Variants in STARD8 observed in about 807,000 individuals in gnomAD.
The protein encoded by STARD8 is stAR-related lipid transfer protein 8.
A neutral mutation model predicts 69.4 loss-of-function variants in STARD8; 25 were observed. The ratio of observed to expected loss-of-function variants is 0.36; its 90% CI spans 0.26 to 0.50. STARD8 has a LOEUF of 0.50. Among genes scored for constraint, STARD8 ranks in the 20% least tolerant of loss-of-function variants. STARD8 has a pLI of 0.96. For missense variants in STARD8, 921 were observed against 932.5 expected (o/e 0.99, Z 0.16); for synonymous variants, 389 against 374.6 (o/e 1.04, Z -0.45).
At chrX:68,661,878 T>TTTCCTTCCTTCCTTCCTTCCTTCC (rs748806413) in intron 1 of STARD8, among the ~76,000 whole-genome samples, 7 of 64,165 alleles carry the variant, frequency 1.1e-4, no homozygotes, top group Admixed American at 5.1e-4. Context: ...CTTTCTTTCT[T>TTTCCTTCCTTCCTTCCTTCCTTCC]TTCCTTCCTT....
In STARD8 at chrX:68,724,024, T is replaced by C; in HGVS notation, c.3097T>C (p.Ser1033Pro). 1 of 1,211,468 alleles carries C rather than the reference T, an allele frequency of 8.3e-7. No individual in the cohort carries two copies. The highest frequency in any genetic ancestry group is 1.1e-6 in the Non-Finnish European group (1 of 895,408). The change falls in exon 14 of 15, where the codon TCG (serine) becomes CCG (proline). Residue 1033 changes from serine to proline, a missense_variant. Ser to Pro is a moderately conservative substitution (Grantham distance 74). Coordinates refer to ENST00000374599, the MANE Select transcript of STARD8 (RefSeq NM_001142503.3). Reference sequence around the variant, plus strand: ...GGATCCGGAACAACCTGTGCCAGAGTCGGGTGTGCGAGCCCTCATGCTCAC... The same window carrying C: ...GGATCCGGAACAACCTGTGCCAGAGCCGGGTGTGCGAGCCCTCATGCTCAC... ...SLDPEQPVPE[S>P]GVRALMLTSQ... is the part of the protein sequence containing the mutation.
chrX:68,721,445 G>A (rs771277385), intron 9 of STARD8, 91 bp from the exon 10 acceptor site: 116 of 991,171 alleles, frequency 1.2e-4, no homozygotes, highest in Non-Finnish European at 1.6e-4. Context: ...CCTTGGGACT[G>A]CTGTGCCTTT....
chrX:68,711,263 CGA>C (rs1342461488), intron 2 of STARD8, among the ~76,000 whole-genome samples: 3 of 106,705 alleles, frequency 2.8e-5, no homozygotes, highest in African/African-American at 1.0e-4. Flanking sequence ...GAGAAAGAGA[CGA>C]GAGAGAGAGA....
chrX:68,710,750 G>A (rs1040783056), intron 2 of STARD8, among the ~76,000 whole-genome samples: 9 of 112,302 alleles, frequency 8.0e-5, no homozygotes, highest in African/African-American at 2.9e-4. Flanking sequence ...TCCTGGGGTG[G>A]CCATACTTGT....
chrX:68,722,683 G>A, intron 12 of STARD8, 37 bp downstream of exon 12: 1 of 1,180,755 alleles, frequency 8.5e-7, no homozygotes, highest in African/African-American at 1.7e-5. Context: ...TATGGGGCTG[G>A]GAGAGCATGG....
intron 12 of STARD8, among the ~76,000 whole-genome samples, chrX:68,723,238 TG>T (rs766472077): frequency 7.1e-5 from 8 of 112,539 alleles, no homozygotes; most frequent in Non-Finnish European, 1.5e-4. Context: ...TGTGAATGCC[TG>T]GTACATACTA....
intron 1 of STARD8, among the ~76,000 whole-genome samples, chrX:68,652,014 A>T (rs2079551014): frequency 1.0e-5 from 1 of 97,857 alleles, no homozygotes; most frequent in South Asian, 4.7e-4. Flanking sequence ...CGCCCAGCTA[A>T]TTTTTTTTTT....
intron 2 of STARD8, among the ~76,000 whole-genome samples, chrX:68,676,982 C>T (rs1170550011): frequency 1.9e-5 from 2 of 106,048 alleles, no homozygotes; most frequent in African/African-American, 6.9e-5. Flanking sequence ...CCCGCCCCTA[C>T]CAAAAAAAAA....
At position 68,720,987 on chromosome X, in the gene STARD8, A is replaced by T. The variant is rs1184379621; in HGVS notation, c.2113A>T (p.Thr705Ser). The part of the protein sequence containing the change: ...RIQNLRQMNE[T>S]SPDNVCYEGQ... Reference sequence around the variant, plus strand: ...CCAGAACCTGCGTCAAATGAATGAGACCTCGCCTGACAATGTCTGCTACGA... The same window carrying T: ...CCAGAACCTGCGTCAAATGAATGAGTCCTCGCCTGACAATGTCTGCTACGA... The change falls in exon 9 of 15, where the codon ACC (threonine) becomes TCC (serine). Residue 705 changes from threonine to serine, a missense_variant. By Grantham distance (58) the Thr-to-Ser change is moderately conservative. Coordinates refer to ENST00000374599, the MANE Select transcript of STARD8 (RefSeq NM_001142503.3). 8.3e-7 allele frequency: 1 copy of T among 1,210,783 alleles called. No individual in the cohort carries two copies. Among genetic ancestry groups the T allele is most frequent in the Admixed American group, 2.2e-5 (1 of 45,935 alleles).
chrX:68,694,100 C>T (rs1282799563), intron 2 of STARD8, among the ~76,000 whole-genome samples: 1 of 113,126 alleles, frequency 8.8e-6, no homozygotes, highest in Non-Finnish European at 1.9e-5. Flanking sequence ...AGGCAGCTGT[C>T]CGCCTGTTAC....
rs1195059365 is a variant in STARD8 at position 68,724,500 on chromosome X, G to GCCC, written c.*81_*83dup. 2 of 888,481 alleles carry GCCC rather than the reference G, an allele frequency of 2.3e-6. No homozygotes were observed. The highest frequency in any genetic ancestry group is 4.0e-5 in the African/African-American group (2 of 50,553). 73.2% of individuals were successfully genotyped at this position (888,481 alleles called of 1,213,427 possible). A position where few individuals can be genotyped will look rare whatever the true frequency, so the allele number is the denominator to read the frequency against. On this transcript the variant is annotated 3_prime_UTR_variant, in exon 15 of 15. Transcript: ENST00000374599. ...AGCGAGGGGGAATAAGAGCAGGGCA[G>GCCC]CCCCCTGGGTGCCGCTGTCAGGAGC...
rs755652994 is a variant in STARD8 at position 68,692,939 on chromosome X, G to C, written c.80-19975G>C. ...TCCTCAATTCAACAATGAAATCAAG[G>C]TTGTGAACTTGTGTTGGACCCTTGT... On this transcript the variant is annotated intron_variant, in intron 2 of 14. Transcript: ENST00000374599. 4.4e-5 allele frequency among the ~76,000 whole-genome samples: 5 copies of C among 113,189 alleles called. No individual in the cohort carries two copies. The South Asian group carries it at 1.8e-3, about 41-fold the overall frequency.
chrX:68,709,286 C>T (rs771717688), intron 2 of STARD8, among the ~76,000 whole-genome samples: 15 of 112,377 alleles, frequency 1.3e-4, no homozygotes, highest in Non-Finnish European at 2.8e-4. Flanking sequence ...CTCCTTACCT[C>T]ACTTCCCCCA....
chrX:68,676,117 T>A (rs761709241), intron 2 of STARD8, among the ~76,000 whole-genome samples: 1 of 112,748 alleles, frequency 8.9e-6, no homozygotes, highest in Non-Finnish European at 1.9e-5. Flanking sequence ...TCTGATCATC[T>A]GATAGTTGGA....
At chrX:68,668,278 T>TTC (rs1556021669) in intron 2 of STARD8, among the ~76,000 whole-genome samples, 1,882 of 59,402 alleles carry the variant, frequency 0.032, 34 homozygotes, top group African/African-American at 0.079. Flanking sequence ...TTCTTTCTCT[T>TTC]TCTTTCTTTC....
At position 68,724,424 on chromosome X, in the gene STARD8, C is replaced by T; in HGVS notation, c.*2C>T. 2 of 1,197,662 alleles carry T rather than the reference C, an allele frequency of 1.7e-6. No homozygotes were observed. Among genetic ancestry groups the T allele is most frequent in the East Asian group, 6.0e-5 (2 of 33,347 alleles). On this transcript the variant is annotated 3_prime_UTR_variant, in exon 15 of 15. Coordinates refer to ENST00000374599, the MANE Select transcript of STARD8 (RefSeq NM_001142503.3). ...GCGGGCCCTGAGACAAAGCTGTGAG[C>T]CTTGGGCTGGTCCCAGGGTGGCACC...
chrX:68,651,252 G>A (rs766545381), intron 1 of STARD8, among the ~76,000 whole-genome samples: 5 of 112,852 alleles, frequency 4.4e-5, no homozygotes, highest in Admixed American at 9.3e-5. Context: ...TGCACACGGC[G>A]TGAAGGTCCA....
chrX:68,702,929 G>A (rs2079977254), intron 2 of STARD8, among the ~76,000 whole-genome samples: 2 of 111,559 alleles, frequency 1.8e-5, no homozygotes, highest in Admixed American at 1.9e-4. Flanking sequence ...ATTACATTCA[G>A]TATCTTAAAT....
intron 2 of STARD8, among the ~76,000 whole-genome samples, chrX:68,690,459 AGGTAGGCCCTTATTGGGACCCAAG>A (rs2079869338): frequency 9.1e-6 from 1 of 109,716 alleles, no homozygotes; most frequent in Admixed American, 9.6e-5. Flanking sequence ...GGGAGTCCTC[AGGTAGGCCCTTATTGGGACCCAAG>A]GGTCTCAGAG....
Sources: allele counts gnomAD v4.1 joint callset (sites outside exome capture counted in the v4.1 genomes callset), GRCh38; gene constraint gnomAD v4.1.1; transcripts MANE v1.5; gene names NCBI Gene and HGNC (gene_info 2026-07-23, HGNC 2026-07-21).